The following WDR7 variants were observed in gnomAD, a reference collection of about 807,000 sequenced individuals.
WDR7 encodes the protein WD repeat domain 7.
In WDR7, 46 loss-of-function variants were observed where a neutral mutation model predicts 169.4. The observed-to-expected ratio is 0.27, with a 90% CI of 0.21 to 0.35. The LOEUF (loss-of-function observed/expected upper bound fraction) is 0.35. Ranked by LOEUF, WDR7 falls within the 10% of genes least tolerant of loss-of-function variation. The pLI, the probability that WDR7 is intolerant of heterozygous loss-of-function variation, is 1.00. For synonymous variants in WDR7, 612 were observed against 666.8 expected, an observed-to-expected ratio of 0.92 and a Z score of 1.27; for missense variants, 1,534 against 1,859.3, an observed-to-expected ratio of 0.83 and a Z score of 3.22.
At chr18:56,767,533 A>C (rs1477721742) in intron 16 of WDR7, among the ~76,000 whole-genome samples, 2 of 152,290 alleles carry the variant, frequency 1.3e-5, no homozygotes, top group South Asian at 4.1e-4. Context: ...TCATTGCATG[A>C]TGCCCAGTGG....
chr18:56,820,361 A>AAAAC (rs2045072965), intron 20 of WDR7, among the ~76,000 whole-genome samples: 2 of 146,692 alleles, frequency 1.4e-5, no homozygotes, highest in Non-Finnish European at 1.5e-5. Context: ...AAAAAAAAAA[A>AAAAC]AAACCACCTT....
At chr18:56,729,624 A>G (rs1252542120) in intron 13 of WDR7, among the ~76,000 whole-genome samples, 2 of 152,076 alleles carry the variant, frequency 1.3e-5, no homozygotes, top group Non-Finnish European at 2.9e-5. Context: ...ATCATAAATT[A>G]TTGACACAGT....
intron 13 of WDR7, among the ~76,000 whole-genome samples, chr18:56,727,481 A>G (rs971362463): frequency 6.6e-6 from 1 of 152,142 alleles, no homozygotes; most frequent in African/African-American, 2.4e-5. Context: ...GGCCTCAGGA[A>G]ACTTACAATC....
intron 18 of WDR7, among the ~76,000 whole-genome samples, chr18:56,779,870 T>C (rs114744019): frequency 0.01 from 1,559 of 152,236 alleles, 30 homozygotes; most frequent in African/African-American, 0.035. Flanking sequence ...TAAACCTGCT[T>C]CCCCCAGAAT....
At chr18:56,982,894 A>G (rs2047666052) in intron 26 of WDR7, among the ~76,000 whole-genome samples, 1 of 152,194 alleles carries the variant, frequency 6.6e-6, no homozygotes, top group African/African-American at 2.4e-5. Context: ...GGAAGCATCT[A>G]AAATCTATGT....
intron 26 of WDR7, among the ~76,000 whole-genome samples, chr18:56,973,410 T>G (rs926421519): frequency 1.3e-5 from 2 of 152,212 alleles, no homozygotes; most frequent in Non-Finnish European, 2.9e-5. Context: ...CTTAATGCCA[T>G]TCTTTCCCAT....
intron 20 of WDR7, among the ~76,000 whole-genome samples, chr18:56,835,086 A>C (rs2045375519): frequency 6.6e-6 from 1 of 152,190 alleles, no homozygotes. Context: ...ACTCAATATA[A>C]AGTAACCCTT....
chr18:56,997,796 G>A (rs1258289207), intron 26 of WDR7, among the ~76,000 whole-genome samples: 1 of 152,168 alleles, frequency 6.6e-6, no homozygotes. Context: ...ATAACAGTGG[G>A]ATGTAAAATG....
chr18:57,016,341 G>A (rs1236414540), intron 26 of WDR7, among the ~76,000 whole-genome samples: 2 of 152,014 alleles, frequency 1.3e-5, no homozygotes, highest in Non-Finnish European at 2.9e-5. Flanking sequence ...CCTTGTGCTG[G>A]TATTTATGAT....
chr18:56,894,704 G>A lies in WDR7; in HGVS notation c.3526+14539G>A, dbSNP rs148577145. ...ATCTTTGTCTATTTTGTTGAGCAACGACTGAAGTAATGAGTGAAAACTAAA... is the reference window on the plus strand; with the variant it reads ...ATCTTTGTCTATTTTGTTGAGCAACAACTGAAGTAATGAGTGAAAACTAAA... On this transcript the variant is annotated intron_variant, in intron 21 of 27. Coordinates refer to ENST00000254442, the MANE Select transcript of WDR7 (RefSeq NM_015285.3). 2.7e-3 allele frequency among the ~76,000 whole-genome samples: 409 copies of A among 152,106 alleles called. 2 individuals carry two copies. Among genetic ancestry groups the A allele is most frequent in the African/African-American group, 9.3e-3 (384 of 41,500 alleles).
chr18:56,865,913 T>C (rs2045877023), intron 20 of WDR7, among the ~76,000 whole-genome samples: 1 of 152,196 alleles, frequency 6.6e-6, no homozygotes. Context: ...TCCAAAACTT[T>C]TTTTAAGACT....
intron 26 of WDR7, among the ~76,000 whole-genome samples, chr18:56,977,458 C>G (rs2047584434): frequency 6.6e-6 from 1 of 152,214 alleles, no homozygotes; most frequent in African/African-American, 2.4e-5. Context: ...CTTCATTGCA[C>G]TGAGAGGAAA....
chr18:56,958,601 A>G (rs2047290484), intron 25 of WDR7, among the ~76,000 whole-genome samples: 2 of 152,130 alleles, frequency 1.3e-5, no homozygotes, highest in Middle Eastern at 3.4e-3. Context: ...CATATTTTTT[A>G]TTATGTAACT....
intron 1 of WDR7, among the ~76,000 whole-genome samples, chr18:56,663,875 C>A (rs1017366758): frequency 3.3e-5 from 5 of 150,856 alleles, no homozygotes. Context: ...TAAAAAAAAA[C>A]AACAACAACA....
chr18:56,949,510 A>G (rs1283881167), intron 25 of WDR7, among the ~76,000 whole-genome samples: 25 of 152,228 alleles, frequency 1.6e-4, no homozygotes, highest in Admixed American at 1.6e-3. Context: ...GTTGCAGTAT[A>G]TTGTTTTGGT....
At chr18:56,765,527 A>G (rs2044049547) in intron 16 of WDR7, among the ~76,000 whole-genome samples, 1 of 152,122 alleles carries the variant, frequency 6.6e-6, no homozygotes, top group Admixed American at 6.5e-5. Flanking sequence ...TTATATTAGC[A>G]TTTCTCATCT....
intron 21 of WDR7, among the ~76,000 whole-genome samples, chr18:56,908,827 A>G (rs1231748526): frequency 1.3e-5 from 2 of 152,202 alleles, no homozygotes; most frequent in East Asian, 3.9e-4. Flanking sequence ...CCCATCATTC[A>G]ATCATTGCAC....
intron 27 of WDR7, among the ~76,000 whole-genome samples, 171 bp from the exon 28 acceptor site, chr18:57,026,833 G>T (rs940750669): frequency 6.6e-6 from 1 of 152,140 alleles, no homozygotes; most frequent in Non-Finnish European, 1.5e-5. Flanking sequence ...AACAGCATCG[G>T]AACAATTCCA....
intron 25 of WDR7, among the ~76,000 whole-genome samples, chr18:56,946,864 GTTGT>G (rs2047110817): frequency 6.6e-6 from 1 of 152,152 alleles, no homozygotes; most frequent in South Asian, 2.1e-4. Flanking sequence ...TCTTCCTGGA[GTTGT>G]TTACGTAGCT....
Sources: allele counts gnomAD v4.1 joint callset (sites outside exome capture counted in the v4.1 genomes callset), GRCh38; gene constraint gnomAD v4.1.1; transcripts MANE v1.5; gene names NCBI Gene and HGNC (gene_info 2026-07-23, HGNC 2026-07-21).